FRS2: variants seen among roughly 807,000 people sequenced by gnomAD.
FRS2 encodes the protein FGFR signalling adaptor.
FRS2 carries 8 observed loss-of-function variants against 43.9 expected under a neutral mutation model. The observed-to-expected ratio is 0.18, with a 90% CI of 0.11 to 0.33. The LOEUF (loss-of-function observed/expected upper bound fraction) is 0.33. Ranked by LOEUF, FRS2 falls within the 10% of genes least tolerant of loss-of-function variation. FRS2 has a pLI of 1.00. For synonymous variants in FRS2, 219 were observed against 220.3 expected, an observed-to-expected ratio of 0.99 and a Z score of 0.05; for missense variants, 534 against 627.6, an observed-to-expected ratio of 0.85 and a Z score of 1.59.
rs201286931 is a variant in FRS2, at chr12:69,572,259, C to A, written c.554C>A (p.Pro185His). The change falls in exon 8 of 9, where the codon CCT becomes CAT. Residue 185 changes from proline to histidine, a missense_variant. Around this residue, in one of 3 missense-constraint regions of FRS2, gnomAD observed 446 missense variants for 494.2 expected, o/e 0.90. Coordinates refer to ENST00000549921, the MANE Select transcript of FRS2 (RefSeq NM_001278356.2). ...TCAGTAGGGGAAGAATCTACACATC[C>A]TTTGCTTGTGGCTGAGGAACAAGTA... ...LPSVGEESTH[P>H]LLVAEEQVHT... The A allele has an allele frequency of 1.9e-4, 309 of 1,613,824 alleles. No homozygotes were observed. In the African/African-American group the frequency reaches 3.0e-3, roughly 15 times the overall value.
chr12:69,476,039 C>T lies in FRS2; in HGVS notation c.-261+5509C>T, dbSNP rs940817949. ...GCCCTATGCTGGTCACCCTCTCCTT[C>T]CTCGTGCCCCTTTTTAAAGATTATG... On this transcript the variant is annotated intron_variant, in intron 1 of 8. Transcript: ENST00000549921. Among the ~76,000 whole-genome samples, 5 of 152,206 alleles carry T rather than the reference C, an allele frequency of 3.3e-5. No homozygotes were observed. The East Asian group carries it at 9.7e-4, about 29-fold the overall frequency.
intron 3 of FRS2, among the ~76,000 whole-genome samples, chr12:69,534,225 G>A (rs1023787548): frequency 1.3e-5 from 2 of 152,076 alleles, no homozygotes; most frequent in African/African-American, 2.4e-5. Flanking sequence ...GAGGTTGAAC[G>A]TAATACACAA....
At chr12:69,535,977 T>G (rs1168703877) in intron 3 of FRS2, among the ~76,000 whole-genome samples, 1 of 151,944 alleles carries the variant, frequency 6.6e-6, no homozygotes, top group Non-Finnish European at 1.5e-5. Context: ...TTTATCATTA[T>G]GAAAGGGCCC....
At chr12:69,502,887 C>G (rs1285418235) in intron 1 of FRS2, among the ~76,000 whole-genome samples, 1 of 152,184 alleles carries the variant, frequency 6.6e-6, no homozygotes, top group Non-Finnish European at 1.5e-5. Context: ...GCAGCATCAG[C>G]ATCAGCAGCA....
chr12:69,529,756 A>G (rs1469209011), intron 1 of FRS2, among the ~76,000 whole-genome samples: 1 of 152,148 alleles, frequency 6.6e-6, no homozygotes, highest in Non-Finnish European at 1.5e-5. Flanking sequence ...TCATTGTTTT[A>G]GGTGCTTGAA....
chr12:69,546,463 A>C (rs762212909), intron 3 of FRS2, among the ~76,000 whole-genome samples: 28 of 152,026 alleles, frequency 1.8e-4, no homozygotes, highest in Non-Finnish European at 3.8e-4. Flanking sequence ...TTGCTATGTT[A>C]CCTGGGCTGG....
At chr12:69,474,880 T>C (rs1308686440) in intron 1 of FRS2, among the ~76,000 whole-genome samples, 1 of 152,264 alleles carries the variant, frequency 6.6e-6, no homozygotes, top group Admixed American at 6.5e-5. Context: ...TCATTAAGGC[T>C]GTTAATATTG....
chr12:69,497,839 T>C (rs1873049271), intron 1 of FRS2, among the ~76,000 whole-genome samples: 1 of 152,214 alleles, frequency 6.6e-6, no homozygotes, highest in Non-Finnish European at 1.5e-5. Context: ...CACTTTTACT[T>C]GGGTGAGATA....
chr12:69,478,369 A>G (rs954344299), intron 1 of FRS2, among the ~76,000 whole-genome samples: 2 of 152,298 alleles, frequency 1.3e-5, no homozygotes, highest in South Asian at 4.1e-4. Context: ...CACTTAAAAT[A>G]TATCTAGTGT....
chr12:69,572,413 A>G (rs1254249427), intron 8 of FRS2, 132 bp downstream of exon 8: 3 of 689,120 alleles, frequency 4.4e-6, no homozygotes, highest in East Asian at 2.6e-5. Context: ...GTAGTGAACA[A>G]TCAGAGGAGA....
chr12:69,515,624 G>A (rs545153708), intron 1 of FRS2, among the ~76,000 whole-genome samples: 1 of 152,192 alleles, frequency 6.6e-6, no homozygotes, highest in South Asian at 2.1e-4. Flanking sequence ...CCTCGAGAGG[G>A]AGAAACAAAG....
chr12:69,545,772 A>C (rs111408926), intron 3 of FRS2, among the ~76,000 whole-genome samples: 26,785 of 147,030 alleles, frequency 0.18, 2,682 homozygotes, highest in East Asian at 0.38. Context: ...AAAAAAAAAA[A>C]AAAAAACAAA....
intron 1 of FRS2, among the ~76,000 whole-genome samples, chr12:69,508,605 G>T (rs567138215): frequency 1.1e-3 from 165 of 152,290 alleles, no homozygotes; most frequent in African/African-American, 3.8e-3. Context: ...AAATTAAAAT[G>T]ATATTTGTAC....
At chr12:69,568,894 A>C in intron 4 of FRS2, 111 bp from the exon 5 acceptor site, 1 of 512,186 alleles carries the variant, frequency 2.0e-6, no homozygotes, top group Middle Eastern at 3.8e-4. Flanking sequence ...TGTTGGACTT[A>C]ATTTTCTGCA....
intron 1 of FRS2, among the ~76,000 whole-genome samples, chr12:69,517,643 C>G (rs555091431): frequency 1.6e-3 from 237 of 152,190 alleles, no homozygotes; most frequent in African/African-American, 5.4e-3. Flanking sequence ...GGCACATAGG[C>G]CATTTCTAAT....
intron 1 of FRS2, among the ~76,000 whole-genome samples, chr12:69,484,459 T>C (rs1871647732): frequency 6.6e-6 from 1 of 152,228 alleles, no homozygotes; most frequent in African/African-American, 2.4e-5. Flanking sequence ...TCCTTCTCTT[T>C]AGCTTACAGG....
intron 3 of FRS2, among the ~76,000 whole-genome samples, chr12:69,557,620 G>GCGCA (rs1593050699): frequency 5.3e-5 from 3 of 57,092 alleles, no homozygotes; most frequent in Non-Finnish European, 6.6e-5. Context: ...GTGTGTGTGT[G>GCGCA]CGCGCGCGCG....
At chr12:69,565,648 C>T (rs1040975904) in intron 4 of FRS2, among the ~76,000 whole-genome samples, 6 of 152,008 alleles carry the variant, frequency 3.9e-5, no homozygotes, top group African/African-American at 1.5e-4. Flanking sequence ...CAAACACACA[C>T]ATTAGCATGG....
intron 3 of FRS2, among the ~76,000 whole-genome samples, chr12:69,533,605 T>A (rs1877008686): frequency 6.6e-6 from 1 of 152,182 alleles, no homozygotes; most frequent in African/African-American, 2.4e-5. Flanking sequence ...TGCCTTGGCC[T>A]CCCAAAGTGT....
Sources: gnomAD v4.1 joint callset for allele counts (sites outside exome capture counted in the v4.1 genomes callset) on GRCh38, gnomAD v4.1.1 for gene constraint, gnomAD v4.1.1 regional missense constraint, MANE v1.5 for transcripts, NCBI Gene and HGNC (gene_info 2026-07-23, HGNC 2026-07-21) for gene names.